Variants in ARAP2 observed in about 807,000 individuals in gnomAD.
ARAP2 encodes the protein arf-GAP with Rho-GAP domain, ANK repeat and PH domain-containing protein 2.
Under a neutral mutation model 194.5 loss-of-function variants are expected in ARAP2, and 148 were observed. That is an observed-to-expected ratio of 0.76 (90% CI 0.67 to 0.87). ARAP2 has a LOEUF of 0.87. ARAP2 is among the 40% of genes least tolerant of loss of function. ARAP2 has a pLI of 0.00. For synonymous variants in ARAP2, 695 were observed against 683.5 expected, an observed-to-expected ratio of 1.02 and a Z score of -0.26; for missense variants, 2,128 against 1,989.7, an observed-to-expected ratio of 1.07 and a Z score of -1.32.
At chr4:36,057,729 A>G (rs577976390) in intron 2 of ARAP2, among the ~76,000 whole-genome samples, 6 of 151,978 alleles carry the variant, frequency 3.9e-5, no homozygotes, top group Non-Finnish European at 8.8e-5. Flanking sequence ...GAATTATCCA[A>G]TATTTTCTGT....
At chr4:36,027,036 A>C (rs973455669) in intron 5 of ARAP2, among the ~76,000 whole-genome samples, 4 of 152,200 alleles carry the variant, frequency 2.6e-5, no homozygotes, top group African/African-American at 4.8e-5. Flanking sequence ...CAGGGACTTC[A>C]GCGTGGGGGA....
intron 28 of ARAP2, among the ~76,000 whole-genome samples, chr4:36,088,652 T>C (rs1712599456): frequency 6.6e-6 from 1 of 151,986 alleles, no homozygotes; most frequent in Admixed American, 6.6e-5. Flanking sequence ...AAAGCAAACA[T>C]TGGAATGTAT....
chr4:36,061,022 GT>G (rs1724340348), downstream of ARAP2, among the ~76,000 whole-genome samples: 2 of 152,160 alleles, frequency 1.3e-5, no homozygotes, highest in South Asian at 4.1e-4. Flanking sequence ...CATAACATAT[GT>G]TTTAAAGGAT....
chr4:36,115,313 A>T (rs367901293), intron 25 of ARAP2, among the ~76,000 whole-genome samples: 1 of 152,018 alleles, frequency 6.6e-6, no homozygotes, highest in East Asian at 1.9e-4. Flanking sequence ...AAAGAAAAAA[A>T]CTTGTTATAG....
chr4:36,083,300 C>T, intron 29 of ARAP2, 68 bp downstream of exon 29: 1 of 1,194,414 alleles, frequency 8.4e-7, no homozygotes, highest in South Asian at 1.4e-5. Context: ...CCACTGATCC[C>T]TAAATCCTTA....
chr4:36,010,500 T>C (rs374173916), intron 9 of ARAP2, among the ~76,000 whole-genome samples: 6 of 151,976 alleles, frequency 3.9e-5, no homozygotes, highest in East Asian at 1.9e-4. Context: ...CAGTCCAAGT[T>C]TTACCTCCAT....
chr4:36,158,633 AT>A, intron 15 of ARAP2, 96 bp downstream of exon 15: 1 of 1,070,416 alleles, frequency 9.3e-7, no homozygotes, highest in Non-Finnish European at 1.3e-6. Flanking sequence ...TGGAGATCAA[AT>A]CTAACATCTC....
In ARAP2 at chr4:36,165,069, G is replaced by T; in HGVS notation, c.2018C>A (p.Ala673Asp). The T allele has an allele frequency of 6.2e-7, 1 of 1,614,056 alleles. No homozygotes were observed. The highest frequency in any genetic ancestry group is 8.5e-7 in the Non-Finnish European group (1 of 1,179,938). ...TEKEKQDWIE[A>D]VQQSIAETLS... ...AGTTTCTGCTATTGATTGCTGCACA[G>T]CTTCAATCCAGTCTTGTTTCTCCTT... The change falls in exon 11 of 33, where the codon GCT becomes GAT. Residue 673 changes from alanine (A) to aspartate (D), a missense_variant. Ala to Asp is a moderately radical substitution (Grantham distance 126). Transcript: ENST00000303965.
chr4:36,174,566 T>G (rs1737391199), intron 9 of ARAP2, among the ~76,000 whole-genome samples: 1 of 152,168 alleles, frequency 6.6e-6, no homozygotes, highest in South Asian at 2.1e-4. Context: ...TGTTTTACAA[T>G]GTGTGTTTTT....
intron 32 of ARAP2, among the ~76,000 whole-genome samples, chr4:36,070,874 T>G (rs1363844388): frequency 1.3e-5 from 2 of 152,182 alleles, no homozygotes; most frequent in African/African-American, 2.4e-5. Context: ...TATCTTAAGA[T>G]GCAGAAATAG....
Position 36,221,418 on chromosome 4 carries a change from G to C in ARAP2, c.906-6938C>G, listed in dbSNP as rs540231977. Among the ~76,000 whole-genome samples the C allele has an allele frequency of 2.0e-5, 3 of 152,064 alleles. No homozygotes were observed. In the South Asian group the frequency reaches 6.2e-4, roughly 32 times the overall value. On this transcript the variant is annotated intron_variant, in intron 2 of 32. Coordinates refer to ENST00000303965, the MANE Select transcript of ARAP2 (RefSeq NM_015230.4). ...TAAAATTGGCACAGAAAGGGGTTAG[G>C]TCACTTACTCAAGTTCACACAACTC...
rs757230175 is a variant in ARAP2 at position 36,229,366 on chromosome 4, T to C, written c.121A>G (p.Ile41Val). The stretch of plus-strand genomic sequence containing the variant: ...ATTTTCTGCAGCAGGCTGTCATTTA[T>C]TGCTGCACAGTCCTTCACAGTAGTA... ...GFTTVKDCAA[I>V]NDSLLQKIGI... Residue 41 changes from isoleucine (I) to valine (V), a missense_variant, in exon 2 of 33, where the codon ATA becomes GTA. By Grantham distance (29) the Ile-to-Val change is conservative (BLOSUM62 3). Transcript: ENST00000303965. 2.5e-6 allele frequency: 4 copies of C among 1,614,126 alleles called. No homozygotes were observed. Among genetic ancestry groups the C allele is most frequent in the East Asian group, 4.5e-5 (2 of 44,874 alleles).
chr4:36,154,686 A>C (rs1169235071), intron 15 of ARAP2, among the ~76,000 whole-genome samples: 1 of 152,056 alleles, frequency 6.6e-6, no homozygotes, highest in African/African-American at 2.4e-5. Flanking sequence ...TTCAAATCTT[A>C]AAAACCTGAA....
At chr4:36,133,123 A>AAT (rs1725819196) in intron 20 of ARAP2, 103 bp downstream of exon 20, 1 of 1,128,480 alleles carries the variant, frequency 8.9e-7, no homozygotes, top group African/African-American at 1.6e-5. Context: ...GATACTTACA[A>AAT]ATATAAAGGG....
At chr4:36,019,810 G>A (rs750766535) in intron 5 of ARAP2, among the ~76,000 whole-genome samples, 12 of 152,116 alleles carry the variant, frequency 7.9e-5, no homozygotes, top group Non-Finnish European at 1.6e-4. Context: ...ATAAGATATA[G>A]GAACAGGTTA....
chr4:36,107,705 A>T lies in ARAP2; in HGVS notation c.4157-12T>A. 1.3e-6 allele frequency: 2 copies of T among 1,579,568 alleles called. No homozygotes were observed. The highest frequency in any genetic ancestry group is 1.7e-6 in the Non-Finnish European group (2 of 1,167,048). On this transcript the variant is annotated splice_polypyrimidine_tract_variant and intron_variant, in intron 26 of 32. Coordinates refer to ENST00000303965, the MANE Select transcript of ARAP2 (RefSeq NM_015230.4). ...GTGAAGAGGACGCTCTGTAAAAAAT[A>T]AATTCCAAATCAAATGGAAAATATA... is the stretch of plus-strand genomic sequence containing the variant.
At chr4:36,060,314 T>G (rs1724221647) in intron 1 of ARAP2, among the ~76,000 whole-genome samples, 1 of 152,192 alleles carries the variant, frequency 6.6e-6, no homozygotes. Flanking sequence ...AACTCGAGTC[T>G]TTACAAGCAG....
At chr4:36,031,666 C>CTTT (rs67436021) in intron 5 of ARAP2, among the ~76,000 whole-genome samples, 9 of 146,296 alleles carry the variant, frequency 6.2e-5, no homozygotes, top group Non-Finnish European at 6.0e-5. Context: ...GATTTAAAAT[C>CTTT]TTTTTTTTTT....
In ARAP2 at chr4:36,071,788, G is replaced by A. The variant is rs111295467; in HGVS notation, c.4743+1901C>T. Among the ~76,000 whole-genome samples the A allele has an allele frequency of 1.9e-4, 29 of 149,430 alleles. 1 individual carries two copies. Among genetic ancestry groups the A allele is most frequent in the African/African-American group, 6.7e-4 (27 of 40,588 alleles). ...ATATGTATACATGTGCCATGCTGGT[G>A]CGCTGCACCCACTAACTCGTCATCT... On this transcript the variant is annotated intron_variant, in intron 32 of 32. Transcript: ENST00000303965.
Sources: gnomAD v4.1 joint callset for allele counts (sites outside exome capture counted in the v4.1 genomes callset) on GRCh38, gnomAD v4.1.1 for gene constraint, MANE v1.5 for transcripts, NCBI Gene and HGNC (gene_info 2026-07-23, HGNC 2026-07-21) for gene names.